The following STAU2 variants were observed in gnomAD, a reference collection of about 807,000 sequenced individuals.
The protein encoded by STAU2 is staufen double-stranded RNA binding protein 2, also known as double-stranded RNA-binding protein Staufen homolog 2.
Under a neutral mutation model 65.9 loss-of-function variants are expected in STAU2, and 20 were observed. The ratio of observed to expected loss-of-function variants is 0.30; its 90% CI spans 0.21 to 0.44. STAU2 has a LOEUF of 0.44. Ranked by LOEUF, STAU2 falls within the 20% of genes least tolerant of loss-of-function variation. The pLI, the probability that STAU2 is intolerant of heterozygous loss-of-function variation, is 1.00. For synonymous variants in STAU2, 232 were observed against 233.9 expected, an observed-to-expected ratio of 0.99 and a Z score of 0.07; for missense variants, 558 against 683.9, an observed-to-expected ratio of 0.82 and a Z score of 2.05.
Position 73,615,778 on chromosome 8 carries a change from C to G in STAU2, c.575G>C (p.Gly192Ala). Residue 192 changes from glycine (G) to alanine (A), a missense_variant, in exon 8 of 15, where the codon GGT becomes GCT. Transcript: ENST00000524300. ...ATCATCCACATCCTTTCCTGATTCACCATTCTAAATCACAAAAAATAGGAT... is the reference window on the plus strand; with the variant it reads ...ATCATCCACATCCTTTCCTGATTCAGCATTCTAAATCACAAAAAATAGGAT... ...EPIPERSPQNGESGKDVDDDK... is the reference protein window; with the variant it reads ...EPIPERSPQNAESGKDVDDDK... 2 of 1,608,106 alleles carry G rather than the reference C, an allele frequency of 1.2e-6. No individual in the cohort carries two copies. The highest frequency in any genetic ancestry group is 1.7e-6 in the Non-Finnish European group (2 of 1,175,768).
intron 4 of STAU2, among the ~76,000 whole-genome samples, chr8:73,693,986 C>A (rs533776478): frequency 1.3e-5 from 2 of 152,230 alleles, no homozygotes; most frequent in Non-Finnish European, 2.9e-5. Flanking sequence ...TATAAAAGCA[C>A]ATATAGTTTT....
At chr8:73,679,978 A>ATTTT (rs1160379353) in intron 5 of STAU2, among the ~76,000 whole-genome samples, 3 of 81,366 alleles carry the variant, frequency 3.7e-5, no homozygotes, top group African/African-American at 9.6e-5. Context: ...TAGGGAAGCC[A>ATTTT]TTTTTTTTTT....
intron 10 of STAU2, among the ~76,000 whole-genome samples, chr8:73,600,724 T>A (rs1301896683): frequency 6.6e-6 from 1 of 152,242 alleles, no homozygotes; most frequent in Non-Finnish European, 1.5e-5. Context: ...CATTCCTGTA[T>A]TCACCTTGTC....
At chr8:73,485,629 T>C (rs563185881) in intron 13 of STAU2, among the ~76,000 whole-genome samples, 31 of 152,084 alleles carry the variant, frequency 2.0e-4, no homozygotes, top group Admixed American at 9.2e-4. Context: ...GGCATGTGGA[T>C]TGCTTGAGGC....
chr8:73,423,635 G>T (rs1816571332), intron 13 of STAU2, among the ~76,000 whole-genome samples: 1 of 152,150 alleles, frequency 6.6e-6, no homozygotes, highest in Non-Finnish European at 1.5e-5. Flanking sequence ...GCTCTTGGCG[G>T]TTTCCCAAAC....
intron 6 of STAU2, among the ~76,000 whole-genome samples, chr8:73,626,225 T>C (rs182169086): frequency 5.9e-5 from 9 of 152,276 alleles, no homozygotes; most frequent in Non-Finnish European, 8.8e-5. Flanking sequence ...AAAGTGAGAA[T>C]TCTAGGCATG....
rs200748631 is a variant in STAU2, at chr8:73,492,289, T to C, written c.1530+59723A>G. ...ACTGTTTTCTATTGTTAAGAATTTT[T>C]TAGTTGTTTTGGAAAGCCTAAGTAC... On this transcript the variant is annotated intron_variant, in intron 13 of 14. Transcript: ENST00000524300. 4.6e-5 allele frequency among the ~76,000 whole-genome samples: 7 copies of C among 152,066 alleles called. No individual in the cohort carries two copies. The East Asian group carries it at 1.4e-3, about 30-fold the overall frequency.
chr8:73,714,290 TAAGA>T (rs962488615), intron 3 of STAU2, among the ~76,000 whole-genome samples: 2 of 152,080 alleles, frequency 1.3e-5, no homozygotes, highest in African/African-American at 4.8e-5. Flanking sequence ...CCAAGTAAAA[TAAGA>T]AAGAAAAAAG....
At chr8:73,603,944 C>T (rs1356925242) in intron 9 of STAU2, 81 bp from the exon 10 acceptor site, 9 of 1,414,822 alleles carry the variant, frequency 6.4e-6, no homozygotes, top group South Asian at 3.0e-5. Context: ...GTGCTTCTTC[C>T]CTCCACCCCC....
At chr8:73,583,224 G>A (rs977067391) in intron 11 of STAU2, among the ~76,000 whole-genome samples, 3 of 149,794 alleles carry the variant, frequency 2.0e-5, no homozygotes, top group Non-Finnish European at 4.4e-5. Context: ...TCAGCTCATC[G>A]CAACCTCCAC....
At chr8:73,671,124 T>A (rs1039729630) in intron 6 of STAU2, among the ~76,000 whole-genome samples, 1 of 152,004 alleles carries the variant, frequency 6.6e-6, no homozygotes, top group African/African-American at 2.4e-5. Flanking sequence ...TCAATAAAAT[T>A]GAATTTTAAA....
chr8:73,505,902 T>A (rs1053893741), intron 13 of STAU2, among the ~76,000 whole-genome samples: 3 of 152,020 alleles, frequency 2.0e-5, no homozygotes, highest in African/African-American at 7.2e-5. Flanking sequence ...TTCTCACTCA[T>A]CACATGAGAT....
Position 73,631,637 on chromosome 8 carries a change from A to C in STAU2, c.411-14186T>G, listed in dbSNP as rs138412201. Among the ~76,000 whole-genome samples the C allele has an allele frequency of 8.7e-3, 1,329 of 152,286 alleles. 10 individuals are homozygous for C. Among genetic ancestry groups the C allele is most frequent in the Non-Finnish European group, 0.011 (745 of 68,024 alleles). Reference sequence around the variant, plus strand: ...TAGACTGTTCTGTGACCTGTCAGTCAATTACAGTACAGGAGTCTAGTAACT... The same window carrying C: ...TAGACTGTTCTGTGACCTGTCAGTCCATTACAGTACAGGAGTCTAGTAACT... On this transcript the variant is annotated intron_variant, in intron 6 of 14. Coordinates refer to ENST00000524300, the MANE Select transcript of STAU2 (RefSeq NM_001164380.2).
At chr8:73,433,589 T>A (rs12544186) in intron 13 of STAU2, among the ~76,000 whole-genome samples, 56,629 of 148,858 alleles carry the variant, frequency 0.38, 11,195 homozygotes, top group Non-Finnish European at 0.42. Flanking sequence ...CAATCTACGC[T>A]TCCCGGGTTC....
intron 13 of STAU2, among the ~76,000 whole-genome samples, chr8:73,491,814 C>T (rs1821166382): frequency 6.6e-6 from 1 of 151,846 alleles, no homozygotes; most frequent in African/African-American, 2.4e-5. Context: ...TTCATGTGTT[C>T]GGACTAGAAC....
At position 73,697,685 on chromosome 8, in the gene STAU2, G is replaced by A. The variant is rs115714788; in HGVS notation, c.115-8872C>T. Among the ~76,000 whole-genome samples, 1,017 of 152,246 alleles carry A rather than the reference G, an allele frequency of 6.7e-3. 19 individuals are homozygous for A. Among genetic ancestry groups the A allele is most frequent in the African/African-American group, 0.023 (948 of 41,562 alleles). ...AACAAAAAGTTAAAAAGCTGGCAGC[G>A]GGGACAAAGTTAAAGTGTAGAGTTT... On this transcript the variant is annotated intron_variant, in intron 4 of 14. Transcript: ENST00000524300.
At chr8:73,551,747 G>A in intron 13 of STAU2, 1 of 1,115,936 alleles carries the variant, frequency 9.0e-7, no homozygotes, top group South Asian at 4.1e-5. Context: ...AGAAGACAGT[G>A]AAGAATATGA....
intron 13 of STAU2, among the ~76,000 whole-genome samples, chr8:73,446,629 TTTTAATTTAA>T (rs545315375): frequency 3.0e-4 from 46 of 152,280 alleles, no homozygotes; most frequent in Admixed American, 1.2e-3. Flanking sequence ...TATTTTACAT[TTTTAATTTAA>T]TTTAATTTAA....
At chr8:73,528,757 C>T (rs1001124534) in intron 13 of STAU2, among the ~76,000 whole-genome samples, 9 of 152,230 alleles carry the variant, frequency 5.9e-5, no homozygotes, top group Middle Eastern at 3.4e-3. Flanking sequence ...AATTAAAACA[C>T]ATACCTGAGT....
Sources: gnomAD v4.1 joint callset for allele counts (sites outside exome capture counted in the v4.1 genomes callset) on GRCh38, gnomAD v4.1.1 for gene constraint, MANE v1.5 for transcripts, NCBI Gene and HGNC (gene_info 2026-07-23, HGNC 2026-07-21) for gene names.